CUX1: variants seen among roughly 807,000 people sequenced by gnomAD.
CUX1 encodes protein CASP.
Under a neutral mutation model 158.8 loss-of-function variants are expected in CUX1, and 31 were observed. The ratio of observed to expected loss-of-function variants is 0.20; its 90% CI spans 0.15 to 0.26. CUX1 has a LOEUF of 0.26. CUX1 is among the 10% of genes least tolerant of loss of function. The pLI, the probability that CUX1 is intolerant of heterozygous loss-of-function variation, is 1.00. For missense variants in CUX1, 1,589 were observed against 2,014.6 expected (o/e 0.79, Z 4.04); for synonymous variants, 879 against 862.1 (o/e 1.02, Z -0.34).
intron 1 of CUX1, among the ~76,000 whole-genome samples, chr7:101,906,583 G>T (rs3935473): frequency 2.6e-5 from 4 of 151,894 alleles, no homozygotes; most frequent in Non-Finnish European, 4.4e-5. Flanking sequence ...CCAAGCTCAC[G>T]GCGGGCTTTG....
intron 8 of CUX1, among the ~76,000 whole-genome samples, chr7:102,147,183 A>T (rs529113943): frequency 4.9e-4 from 75 of 152,270 alleles, no homozygotes; most frequent in Middle Eastern, 3.4e-3. Context: ...GGCTTGGCAG[A>T]TGCAAGATGG....
intron 8 of CUX1, among the ~76,000 whole-genome samples, chr7:102,117,844 G>A (rs902159057): frequency 1.3e-5 from 2 of 152,210 alleles, no homozygotes; most frequent in Admixed American, 1.3e-4. Context: ...TTTGCCTGTG[G>A]GGTAGGATGG....
chr7:102,088,524 C>T (rs1828183350), intron 4 of CUX1, among the ~76,000 whole-genome samples: 1 of 152,024 alleles, frequency 6.6e-6, no homozygotes, highest in Non-Finnish European at 1.5e-5. Context: ...ATCCCAGCTA[C>T]TCGGGAGGCT....
At chr7:102,100,679 G>A (rs1554486026) in intron 5 of CUX1, among the ~76,000 whole-genome samples, 1 of 152,236 alleles carries the variant, frequency 6.6e-6, no homozygotes, top group South Asian at 2.1e-4. Context: ...TAAAAAGTTA[G>A]AGCAGGGGCC....
chr7:101,969,251 CT>C, intron 2 of CUX1, among the ~76,000 whole-genome samples: 2 of 151,002 alleles, frequency 1.3e-5, no homozygotes, highest in Non-Finnish European at 2.9e-5. Flanking sequence ...GGGAGGATTG[CT>C]TGAGCCTGGG....
intron 1 of CUX1, among the ~76,000 whole-genome samples, chr7:101,818,029 CCTA>C (rs1479142106): frequency 6.6e-6 from 1 of 152,172 alleles, no homozygotes; most frequent in Non-Finnish European, 1.5e-5. Flanking sequence ...TCTGCTCTTG[CCTA>C]CTAAGAACGA....
intron 3 of CUX1, among the ~76,000 whole-genome samples, chr7:102,062,759 C>A (rs188768890): frequency 3.8e-4 from 58 of 152,206 alleles, no homozygotes; most frequent in African/African-American, 1.3e-3. Context: ...CCTTGGCCTC[C>A]CAAAGTGCTG....
In CUX1 at chr7:102,253,995, C is replaced by T; in HGVS notation, c.*4953C>T. On this transcript the variant is annotated 3_prime_UTR_variant, in exon 24 of 24. Coordinates refer to ENST00000292535, the MANE Select transcript of CUX1 (RefSeq NM_181552.4). ...AACCACACCCCACAGAACTGTGAGG[C>T]ACGTGGGCTGGAGAGAGCAGAAAAG... The T allele has an allele frequency of 1.0e-6, 1 of 985,494 alleles. No homozygotes were observed. The allele number at this position is 985,494 out of a possible 1,614,324, so 61.0% of individuals were successfully genotyped here.
At chr7:102,208,344 G>A (rs1439390478) in intron 20 of CUX1, among the ~76,000 whole-genome samples, 2 of 152,112 alleles carry the variant, frequency 1.3e-5, no homozygotes, top group African/African-American at 2.4e-5. Flanking sequence ...CCTGGGTTCA[G>A]GCGATTCTCC....
intron 2 of CUX1, among the ~76,000 whole-genome samples, chr7:102,003,832 T>C (rs1050403197): frequency 6.6e-5 from 10 of 152,180 alleles, no homozygotes; most frequent in Non-Finnish European, 1.5e-4. Context: ...TGAATACTCA[T>C]AGTCCGCAGT....
At position 102,178,689 on chromosome 7, in the gene CUX1, G is replaced by A. The variant is rs782122755; in HGVS notation, c.1017+32G>A. ...GGGCTGCGGGGCCCGGGGGTGGCCCGAGGAGGCAGGGCGGATGGCTGGACA... is the reference window on the plus strand; with the variant it reads ...GGGCTGCGGGGCCCGGGGGTGGCCCAAGGAGGCAGGGCGGATGGCTGGACA... On this transcript the variant is annotated intron_variant, in intron 11 of 23. Transcript: ENST00000292535. 17 of 1,576,156 alleles carry A rather than the reference G, an allele frequency of 1.1e-5. No individual in the cohort carries two copies. In the East Asian group the frequency reaches 1.2e-4, roughly 11 times the overall value.
chr7:101,985,837 CA>C (rs1814236009), intron 2 of CUX1, among the ~76,000 whole-genome samples: 1 of 152,198 alleles, frequency 6.6e-6, no homozygotes, highest in Non-Finnish European at 1.5e-5. Context: ...CTTGACGTTA[CA>C]AAAGCTTCCT....
In CUX1 at chr7:101,831,451, G is replaced by A. The variant is rs191321268; in HGVS notation, c.30+13782G>A. Among the ~76,000 whole-genome samples, 46 of 152,060 alleles carry A rather than the reference G, an allele frequency of 3.0e-4. No homozygotes were observed. In the East Asian group the frequency reaches 6.6e-3, roughly 22 times the overall value. On this transcript the variant is annotated intron_variant, in intron 1 of 23. Transcript: ENST00000292535. ...GATTACAGGTGTGCACCACCACGCC[G>A]GGCTAATTTTCTGTATTTTTAGTAG...
chr7:102,212,618 G>T (rs1796659643), intron 20 of CUX1, among the ~76,000 whole-genome samples: 2 of 151,916 alleles, frequency 1.3e-5, no homozygotes, highest in Non-Finnish European at 2.9e-5. Flanking sequence ...TAAGAAATCG[G>T]TCACCATCCC....
At chr7:101,875,641 C>T (rs1203307520) in intron 1 of CUX1, among the ~76,000 whole-genome samples, 3 of 152,084 alleles carry the variant, frequency 2.0e-5, no homozygotes, top group Non-Finnish European at 2.9e-5. Context: ...AGGAGGACAC[C>T]TCATCTGAAT....
At chr7:101,948,065 G>A (rs1049831436) in intron 2 of CUX1, among the ~76,000 whole-genome samples, 1 of 152,176 alleles carries the variant, frequency 6.6e-6, no homozygotes, top group African/African-American at 2.4e-5. Flanking sequence ...TCTGTTAACA[G>A]AGCTATAATT....
intron 2 of CUX1, among the ~76,000 whole-genome samples, chr7:102,004,634 C>T (rs1817101809): frequency 6.6e-6 from 1 of 152,108 alleles, no homozygotes; most frequent in Non-Finnish European, 1.5e-5. Context: ...GAAACTGAGG[C>T]TTGGGAGTTA....
intron 8 of CUX1, 132 bp downstream of exon 8, chr7:102,115,405 T>TG (rs1831336508): frequency 1.4e-6 from 1 of 726,310 alleles, no homozygotes; most frequent in South Asian, 2.0e-5. Context: ...ATGAGTTACT[T>TG]GCGTCGGTTC....
At chr7:102,077,105 G>A (rs556406490) in intron 4 of CUX1, among the ~76,000 whole-genome samples, 75 of 151,672 alleles carry the variant, frequency 4.9e-4, no homozygotes, top group East Asian at 3.1e-3. Flanking sequence ...TTTTAGGTGC[G>A]ATAAGCAAAG....
Sources: allele counts gnomAD v4.1 joint callset (sites outside exome capture counted in the v4.1 genomes callset), GRCh38; gene constraint gnomAD v4.1.1; transcripts MANE v1.5; gene names NCBI Gene and HGNC (gene_info 2026-07-23, HGNC 2026-07-21).